The following CUL4B variants were observed in gnomAD, a reference collection of about 807,000 sequenced individuals.
CUL4B encodes the protein cullin 4B.
CUL4B carries 1 observed loss-of-function variant against 69.2 expected under a neutral mutation model. The observed-to-expected ratio is 0.01, with a 90% CI of 0.01 to 0.07. The LOEUF (loss-of-function observed/expected upper bound fraction) is 0.07, where lower values mean the gene tolerates loss of function less well. CUL4B is among the 10% of genes least tolerant of loss of function. The probability of loss-of-function intolerance (pLI) is 1.00; values close to 1 mark genes in which losing one functional copy is unlikely to be tolerated. For missense variants in CUL4B, 328 were observed against 638.8 expected (o/e 0.51, Z 5.24); for synonymous variants, 237 against 223.2 (o/e 1.06, Z -0.55).
intron 1 of CUL4B, chrX:120,559,865 A>C: frequency 1.7e-6 from 2 of 1,145,454 alleles, no homozygotes; most frequent in Non-Finnish European, 2.3e-6. Flanking sequence ...ACCTCAAAAT[A>C]CTGCACAGAA....
chrX:120,546,030 A>T lies in CUL4B; in HGVS notation c.847-513T>A, dbSNP rs187372732. ...CAAATAGTGGACAGGATAATCATCA[A>T]GAGAGAAAAAAAAATAAGAGTGACA... On this transcript the variant is annotated intron_variant, in intron 4 of 19. Coordinates refer to ENST00000371322, the MANE Select transcript of CUL4B (RefSeq NM_001079872.2). Among the ~76,000 whole-genome samples the T allele has an allele frequency of 3.3e-3, 364 of 111,697 alleles. 1 individual carries two copies. The highest frequency in any genetic ancestry group is 0.011 in the African/African-American group (353 of 30,769).
chrX:120,561,487 A>T (rs1031454878), upstream of CUL4B: 7 of 304,686 alleles, frequency 2.3e-5, no homozygotes, highest in African/African-American at 2.4e-4. Context: ...AGAAAAGTGG[A>T]TAGGAGGAGG....
At chrX:120,552,375 T>C (rs371556949) in intron 2 of CUL4B, among the ~76,000 whole-genome samples, 39 of 112,799 alleles carry the variant, frequency 3.5e-4, no homozygotes, top group African/African-American at 1.3e-3. Flanking sequence ...CTTGAATGCC[T>C]GACCTCAGGT....
intron 10 of CUL4B, among the ~76,000 whole-genome samples, chrX:120,541,187 A>T (rs991239292): frequency 2.7e-5 from 3 of 112,549 alleles, no homozygotes; most frequent in Admixed American, 1.9e-4. Flanking sequence ...TTTTAAACAA[A>T]TTTAAAATTC....
chrX:120,561,769 A>G (rs2285550), upstream of CUL4B, among the ~76,000 whole-genome samples: 17,573 of 110,280 alleles, frequency 0.16, 1,116 homozygotes, highest in East Asian at 0.32. Context: ...AACCCTAAAT[A>G]GAGGAAAACA....
intron 3 of CUL4B, 51 bp downstream of exon 3, chrX:120,547,085 G>A: frequency 1.2e-6 from 1 of 835,834 alleles, no homozygotes; most frequent in Non-Finnish European, 1.8e-6. Flanking sequence ...GAGGGGTAGG[G>A]ACAGAGAGGA....
At chrX:120,549,468 G>A (rs1450450911) in intron 2 of CUL4B, among the ~76,000 whole-genome samples, 5 of 111,455 alleles carry the variant, frequency 4.5e-5, no homozygotes, top group East Asian at 5.6e-4. Flanking sequence ...TCATCAACCC[G>A]GGCGGTGGAG....
chrX:120,557,148 T>C (rs1173269819), intron 2 of CUL4B, among the ~76,000 whole-genome samples: 5 of 111,103 alleles, frequency 4.5e-5, no homozygotes, highest in African/African-American at 1.6e-4. Context: ...TGACCTCAGG[T>C]GATCTGCCAG....
At chrX:120,537,213 A>T (rs959830965) in intron 14 of CUL4B, among the ~76,000 whole-genome samples, 179 bp from the exon 15 acceptor site, 16 of 112,595 alleles carry the variant, frequency 1.4e-4, no homozygotes, top group Admixed American at 1.3e-3. Context: ...CTAGGCAAGT[A>T]CAGAGGTTAA....
rs1925254578 is a variant in CUL4B at position 120,560,870 on chromosome X, TGAG to T, written c.-235_-233del. On this transcript the variant is annotated 5_prime_UTR_variant, in exon 1 of 20. Coordinates refer to ENST00000371322, the MANE Select transcript of CUL4B (RefSeq NM_001079872.2). ...GAGCAGAACGAGGGGGGAGAGCGAATGAGGAGGCAGACAGGTAAACGGCCGTGC... is the reference window on the plus strand; with the variant it reads ...GAGCAGAACGAGGGGGGAGAGCGAATGAGGCAGACAGGTAAACGGCCGTGC... 2.7e-6 allele frequency: 2 copies of T among 749,605 alleles called. No individual in the cohort carries two copies. Among genetic ancestry groups the T allele is most frequent in the Admixed American group, 8.9e-5 (1 of 11,224 alleles). The allele number at this position is 749,605 out of a possible 1,213,427, so 61.8% of individuals were successfully genotyped here. A position where few individuals can be genotyped will look rare whatever the true frequency, so the allele number is the denominator to read the frequency against.
At chrX:120,543,131 T>C (rs1471617919) in intron 8 of CUL4B, 98 bp from the exon 9 acceptor site, 1 of 519,830 alleles carries the variant, frequency 1.9e-6, no homozygotes, top group Non-Finnish European at 3.3e-6. Context: ...TAGCTCATTT[T>C]ATGTTGATTT....
At chrX:120,563,112 A>G (rs1295342567), upstream of CUL4B, among the ~76,000 whole-genome samples, 1 of 112,708 alleles carries the variant, frequency 8.9e-6, no homozygotes, top group East Asian at 2.8e-4. Flanking sequence ...TTGCTATTTG[A>G]TGACAGCCTG....
Position 120,539,185 on chromosome X carries a change from C to T in CUL4B, c.1741+83G>A, listed in dbSNP as rs1923842835. 11 of 532,877 alleles carry T rather than the reference C, an allele frequency of 2.1e-5. No homozygotes were observed. In the Middle Eastern group the frequency reaches 3.3e-3, roughly 160 times the overall value. 43.9% of individuals were successfully genotyped at this position (532,877 alleles called of 1,213,427 possible). ...AATCTGTAATTTCCAAATAAATATT[C>T]CCTCCAGTTTGAATATACTTGCTAG... On this transcript the variant is annotated intron_variant, in intron 12 of 19. Transcript: ENST00000371322.
intron 2 of CUL4B, among the ~76,000 whole-genome samples, chrX:120,556,296 T>C (rs1173475940): frequency 8.9e-6 from 1 of 111,869 alleles, no homozygotes; most frequent in Non-Finnish European, 1.9e-5. Flanking sequence ...TGTTGTGCAC[T>C]GATTTGAGTA....
intron 2 of CUL4B, among the ~76,000 whole-genome samples, chrX:120,557,206 C>G (rs992009939): frequency 1.8e-5 from 2 of 111,432 alleles, no homozygotes; most frequent in Admixed American, 1.9e-4. Flanking sequence ...CCACCGTGCC[C>G]GGCCTGAAGT....
Position 120,528,409 on chromosome X carries a change from CA to C in CUL4B, c.2593-1554del, listed in dbSNP as rs1315505804. On this transcript the variant is annotated intron_variant, in intron 19 of 19. Transcript: ENST00000371322. ...GTGACAGAGCAAGAAGACTCCATCT[CA>C]AAAAAAAAAAAAATCACTATTTAAA... 6.3e-3 allele frequency among the ~76,000 whole-genome samples: 473 copies of C among 74,662 alleles called. 1 individual carries two copies. The highest frequency in any genetic ancestry group is 0.017 in the African/African-American group (342 of 19,737). 64.8% of individuals were successfully genotyped at this position (74,662 alleles called of 115,157 possible).
intron 8 of CUL4B, 37 bp downstream of exon 8, chrX:120,543,690 C>T (rs774840403): frequency 7.1e-6 from 7 of 983,306 alleles, no homozygotes; most frequent in Middle Eastern, 2.5e-4. Flanking sequence ...GATTTAACGA[C>T]AGTTTAAGAC....
At chrX:120,528,758 A>G (rs770813800) in intron 19 of CUL4B, among the ~76,000 whole-genome samples, 17 of 111,662 alleles carry the variant, frequency 1.5e-4, no homozygotes, top group African/African-American at 5.2e-4. Flanking sequence ...TAAATGAAGT[A>G]CCTCATAATT....
chrX:120,540,736 G>GA (rs1923938432), intron 10 of CUL4B, among the ~76,000 whole-genome samples, 174 bp from the exon 11 acceptor site: 1 of 112,030 alleles, frequency 8.9e-6, no homozygotes, highest in Non-Finnish European at 1.9e-5. Context: ...CTCCTAGGCT[G>GA]AAAGGATCCT....
Sources: gnomAD v4.1 joint callset for allele counts (sites outside exome capture counted in the v4.1 genomes callset) on GRCh38, gnomAD v4.1.1 for gene constraint, MANE v1.5 for transcripts, NCBI Gene and HGNC (gene_info 2026-07-23, HGNC 2026-07-21) for gene names.